Variants in NRG1 observed in about 807,000 individuals in gnomAD.
NRG1 encodes the protein neuregulin 1.
NRG1 carries 18 observed loss-of-function variants against 63.8 expected under a neutral mutation model. The ratio of observed to expected loss-of-function variants is 0.28; its 90% CI spans 0.19 to 0.42. NRG1 has a LOEUF of 0.42. Ranked by LOEUF, NRG1 falls within the 10% of genes least tolerant of loss-of-function variation. The pLI is 1.00. For missense variants in NRG1, 762 were observed against 814.7 expected, an observed-to-expected ratio of 0.94 and a Z score of 0.79; for synonymous variants, 302 against 301.3, an observed-to-expected ratio of 1.00 and a Z score of -0.02.
At chr8:31,869,735 C>G (rs1453066779) in intron 1 of NRG1, among the ~76,000 whole-genome samples, 1 of 152,160 alleles carries the variant, frequency 6.6e-6, no homozygotes, top group Non-Finnish European at 1.5e-5. Flanking sequence ...TAAAAGCTAA[C>G]TCATTCATTA....
At chr8:32,647,408 C>G (rs1385547440) in intron 5 of NRG1, 1 of 985,244 alleles carries the variant, frequency 1.0e-6, no homozygotes, top group Non-Finnish European at 1.2e-6. Flanking sequence ...GCCGGCAGCT[C>G]CGTCGATCTA....
intron 1 of NRG1, among the ~76,000 whole-genome samples, chr8:32,321,497 C>A (rs528260423): frequency 8.8e-5 from 13 of 147,324 alleles, no homozygotes; most frequent in Middle Eastern, 3.4e-3. Context: ...AAAAAAAAAT[C>A]TGACAGCAGT....
rs150729784 is a variant in NRG1, at chr8:32,526,561, T to C, written c.38-69267T>C. On this transcript the variant is annotated intron_variant, in intron 1 of 10. Transcript: ENST00000519301. ...TAGAGGCTATTTTAGTCTGTTGATA[T>C]AGGAGGCCAAGGTGATAAACACATG... Among the ~76,000 whole-genome samples, 1,015 of 152,286 alleles carry C rather than the reference T, an allele frequency of 6.7e-3. 6 individuals are homozygous for C. The highest frequency in any genetic ancestry group is 0.022 in the African/African-American group (931 of 41,564).
chr8:32,748,179 T>G (rs1352643610), intron 7 of NRG1, among the ~76,000 whole-genome samples: 3 of 152,098 alleles, frequency 2.0e-5, no homozygotes, highest in African/African-American at 7.2e-5. Context: ...CACAGCATTT[T>G]CTTCACACTT....
chr8:32,772,276 T>A (rs1053675357), downstream of NRG1, among the ~76,000 whole-genome samples: 6 of 151,554 alleles, frequency 4.0e-5, no homozygotes, highest in African/African-American at 1.5e-4. Flanking sequence ...ATTAATAATT[T>A]ACGGATTTAG....
At chr8:32,474,324 G>T (rs1824210554) in intron 1 of NRG1, among the ~76,000 whole-genome samples, 2 of 152,146 alleles carry the variant, frequency 1.3e-5, no homozygotes, top group African/African-American at 4.8e-5. Context: ...TTTTCTGGGA[G>T]TTGGGAAACT....
intron 1 of NRG1, among the ~76,000 whole-genome samples, chr8:31,820,051 T>G (rs1289244464): frequency 1.3e-5 from 2 of 151,658 alleles, no homozygotes; most frequent in Non-Finnish European, 2.9e-5. Flanking sequence ...GAATTATAAC[T>G]GATACTTCCT....
At chr8:32,235,810 ATC>A (rs1380939977) in intron 1 of NRG1, among the ~76,000 whole-genome samples, 1 of 152,166 alleles carries the variant, frequency 6.6e-6, no homozygotes, top group Non-Finnish European at 1.5e-5. Flanking sequence ...TAACAAAAAA[ATC>A]TGTTTAGGGC....
chr8:32,257,932 T>C (rs1849916800), intron 1 of NRG1, among the ~76,000 whole-genome samples: 1 of 152,348 alleles, frequency 6.6e-6, no homozygotes, highest in African/African-American at 2.4e-5. Flanking sequence ...ACCATGACCA[T>C]GTGTTAAGTA....
At chr8:32,590,025 T>G (rs1446184971) in intron 1 of NRG1, among the ~76,000 whole-genome samples, 1 of 152,198 alleles carries the variant, frequency 6.6e-6, no homozygotes, top group Non-Finnish European at 1.5e-5. Context: ...AAAGTAGACT[T>G]TGGAAGTATA....
chr8:31,726,816 A>G (rs994430949), intron 1 of NRG1, among the ~76,000 whole-genome samples: 4 of 152,098 alleles, frequency 2.6e-5, no homozygotes, highest in East Asian at 1.9e-4. Context: ...TTCATCAGTC[A>G]TGGGATACAG....
chr8:32,466,804 C>T (rs913462860), intron 1 of NRG1, among the ~76,000 whole-genome samples: 2 of 151,938 alleles, frequency 1.3e-5, no homozygotes, highest in African/African-American at 4.8e-5. Flanking sequence ...CTCTTTAAAT[C>T]AGAAGTATTT....
rs57472333 is a variant in NRG1, at chr8:31,913,757, G to A, written c.37+274326G>A. ...GTGCCTTCCAGAATTAGCGCAGTTT[G>A]CATACTGAAGGAAACTGAGGGGTGG... On this transcript the variant is annotated intron_variant, in intron 1 of 10. Transcript: ENST00000519301. 3.5e-4 allele frequency among the ~76,000 whole-genome samples: 53 copies of A among 152,224 alleles called. No homozygotes were observed. In the East Asian group the frequency reaches 9.9e-3, roughly 28 times the overall value.
At chr8:31,738,120 G>C (rs1162369494) in intron 1 of NRG1, among the ~76,000 whole-genome samples, 1 of 152,114 alleles carries the variant, frequency 6.6e-6, no homozygotes, top group African/African-American at 2.4e-5. Flanking sequence ...AAAACCAGTA[G>C]GGAGGATGTT....
intron 1 of NRG1, among the ~76,000 whole-genome samples, chr8:31,820,670 T>C (rs1177097373): frequency 1.3e-5 from 2 of 152,232 alleles, no homozygotes; most frequent in Non-Finnish European, 2.9e-5. Flanking sequence ...ATTATGAGCA[T>C]TGGAACTTAT....
chr8:31,957,866 C>A (rs1804713023), intron 1 of NRG1, among the ~76,000 whole-genome samples: 1 of 152,088 alleles, frequency 6.6e-6, no homozygotes, highest in African/African-American at 2.4e-5. Context: ...TATTTCTACC[C>A]CATCAGAGAA....
At chr8:32,085,414 T>A (rs1342604394) in intron 1 of NRG1, among the ~76,000 whole-genome samples, 2 of 152,220 alleles carry the variant, frequency 1.3e-5, no homozygotes, top group East Asian at 3.9e-4. Flanking sequence ...TTTTGCTGCA[T>A]TTGTTTTGTA....
At chr8:32,163,522 GAA>G in intron 1 of NRG1, among the ~76,000 whole-genome samples, 1 of 152,164 alleles carries the variant, frequency 6.6e-6, no homozygotes, top group East Asian at 1.9e-4. Context: ...AGAACGTGGG[GAA>G]AAGAGTCAGG....
chr8:32,019,272 G>A (rs1020406988), intron 1 of NRG1, among the ~76,000 whole-genome samples: 2 of 152,096 alleles, frequency 1.3e-5, no homozygotes, highest in African/African-American at 2.4e-5. Flanking sequence ...CTAATTTTTT[G>A]TATTTTTAGT....
Sources: gnomAD v4.1 joint callset for allele counts (sites outside exome capture counted in the v4.1 genomes callset) on GRCh38, gnomAD v4.1.1 for gene constraint, MANE v1.5 for transcripts, NCBI Gene and HGNC (gene_info 2026-07-23, HGNC 2026-07-21) for gene names.